The following SLC17A1 variants were observed in gnomAD, a reference collection of about 807,000 sequenced individuals.
The protein encoded by SLC17A1 is sodium-dependent phosphate transport protein 1.
In SLC17A1, 51 loss-of-function variants were observed where a neutral mutation model predicts 53.5. The observed-to-expected ratio is 0.95, with a 90% CI of 0.76 to 1.20. The LOEUF (loss-of-function observed/expected upper bound fraction) is 1.20. Ranked by LOEUF, SLC17A1 falls within the 50% of genes most tolerant of loss-of-function variation. SLC17A1 has a pLI of 0.00. For synonymous variants in SLC17A1, 179 were observed against 198.8 expected, an observed-to-expected ratio of 0.90 and a Z score of 0.84; for missense variants, 538 against 568.2, an observed-to-expected ratio of 0.95 and a Z score of 0.54.
the SLC17A1 span, among the ~76,000 whole-genome samples, chr6:25,746,410 A>G: frequency 6.6e-6 from 1 of 152,210 alleles, no homozygotes; most frequent in Non-Finnish European, 1.5e-5. Flanking sequence ...ATTCCTGACA[A>G]TAGTTGCTAA....
chr6:25,727,640 G>T, the SLC17A1 span, among the ~76,000 whole-genome samples: 1 of 151,902 alleles, frequency 6.6e-6, no homozygotes, highest in Non-Finnish European at 1.5e-5. Context: ...ACCCACCTCG[G>T]TCTCCCAAAG....
chr6:25,778,868 G>A (rs1581435428), downstream of SLC17A1, among the ~76,000 whole-genome samples: 1 of 152,290 alleles, frequency 6.6e-6, no homozygotes, highest in East Asian at 1.9e-4. Flanking sequence ...TTCCAGCCAA[G>A]GAAATGCCCA....
At chr6:25,738,594 G>T in the SLC17A1 span, among the ~76,000 whole-genome samples, 1 of 151,832 alleles carries the variant, frequency 6.6e-6, no homozygotes, top group Non-Finnish European at 1.5e-5. Flanking sequence ...AGAAAAAAAC[G>T]ACAGGCTGCA....
At chr6:25,733,784 G>C in the SLC17A1 span, among the ~76,000 whole-genome samples, 11 of 22,170 alleles carry the variant, frequency 5.0e-4, no homozygotes, top group Admixed American at 6.0e-3. Context: ...GCCTAATACT[G>C]TGTGTGTGTG....
At chr6:25,779,219 C>T (rs1477357469), downstream of SLC17A1, 2 of 1,610,338 alleles carry the variant, frequency 1.2e-6, no homozygotes, top group African/African-American at 1.3e-5. Flanking sequence ...GATCCTGGTG[C>T]TTAGTTCATC....
chr6:25,746,893 C>A, the SLC17A1 span, among the ~76,000 whole-genome samples: 2 of 152,182 alleles, frequency 1.3e-5, no homozygotes, highest in South Asian at 4.1e-4. Context: ...ATATGTAATG[C>A]AACTTCTTTT....
At chr6:25,822,937 C>T (rs903821419) in intron 3 of SLC17A1, among the ~76,000 whole-genome samples, 1 of 151,888 alleles carries the variant, frequency 6.6e-6, no homozygotes, top group Non-Finnish European at 1.5e-5. Context: ...CAAAAACTTC[C>T]TCCTATTTTT....
the SLC17A1 span, among the ~76,000 whole-genome samples, chr6:25,754,521 T>C: frequency 6.6e-6 from 1 of 152,180 alleles, no homozygotes; most frequent in African/African-American, 2.4e-5. Flanking sequence ...ACATTGATTC[T>C]GATTAAGGAT....
downstream of SLC17A1, chr6:25,782,844 G>A: frequency 6.6e-6 from 1 of 152,140 alleles, no homozygotes; most frequent in Middle Eastern, 3.2e-3. Flanking sequence ...TTTTGCACTA[G>A]CTCACACATC....
the SLC17A1 span, chr6:25,726,700 C>G: frequency 9.4e-7 from 1 of 1,066,930 alleles, no homozygotes; most frequent in Non-Finnish European, 1.4e-6. Context: ...TTCCCATTGT[C>G]CAATCAGATT....
intron 12 of SLC17A1, among the ~76,000 whole-genome samples, chr6:25,791,130 T>C (rs1763491879): frequency 6.6e-6 from 1 of 152,178 alleles, no homozygotes; most frequent in Non-Finnish European, 1.5e-5. Flanking sequence ...CATGTTCTTA[T>C]ATCAGTATTA....
chr6:25,779,687 G>A (rs1763209009), downstream of SLC17A1: 1 of 153,040 alleles, frequency 6.5e-6, no homozygotes, highest in South Asian at 2.1e-4. Flanking sequence ...CAACTAATGG[G>A]AGCAAGATAG....
the SLC17A1 span, among the ~76,000 whole-genome samples, chr6:25,749,084 C>T: frequency 0.36 from 54,338 of 152,084 alleles, 10,511 homozygotes; most frequent in Middle Eastern, 0.5. Context: ...GGCTGGGGGA[C>T]GGTGAGGTCT....
rs936084654 is a variant in SLC17A1, at chr6:25,818,940, C to T, written c.616+128G>A. The T allele has an allele frequency of 4.8e-6, 3 of 626,188 alleles. No homozygotes were observed. In the African/African-American group the frequency reaches 5.5e-5, roughly 12 times the overall value. The allele number at this position is 626,188 out of a possible 1,614,324, so 38.8% of individuals were successfully genotyped here. ...GAACTTAATGAGTATTGACTTCTCT[C>T]TTTCACTCAGTGGAGTTCATGATTT... On this transcript the variant is annotated intron_variant, in intron 6 of 12. Coordinates refer to ENST00000244527, the MANE Select transcript of SLC17A1 (RefSeq NM_005074.5).
intron 10 of SLC17A1, among the ~76,000 whole-genome samples, chr6:25,809,064 GC>G (rs1414049284): frequency 1.3e-5 from 2 of 152,130 alleles, no homozygotes; most frequent in African/African-American, 4.8e-5. Flanking sequence ...ATACTACTCT[GC>G]CATAAAAAAG....
the SLC17A1 span, among the ~76,000 whole-genome samples, chr6:25,735,823 G>C: frequency 2.6e-5 from 4 of 152,228 alleles, no homozygotes; most frequent in Non-Finnish European, 2.9e-5. Flanking sequence ...GGTCAATCAG[G>C]GCAGTCCACT....
At chr6:25,726,085 TTTG>T in the SLC17A1 span, 26 of 1,477,802 alleles carry the variant, frequency 1.8e-5, no homozygotes, top group Middle Eastern at 1.8e-4. Flanking sequence ...AAAAGAGCCT[TTTG>T]TTTTTTCTGA....
the SLC17A1 span, among the ~76,000 whole-genome samples, chr6:25,751,155 A>T: frequency 0.98 from 148,910 of 152,276 alleles, 72,889 homozygotes; most frequent in East Asian, 1. Flanking sequence ...GCAGACACCT[A>T]GTCTCGTTAG....
chr6:25,783,927 GGT>G (rs1380224127), intron 12 of SLC17A1, among the ~76,000 whole-genome samples: 1 of 151,922 alleles, frequency 6.6e-6, no homozygotes, highest in African/African-American at 2.4e-5. Flanking sequence ...CTGGTTAATA[GGT>G]GTCCAGATTA....
Sources: allele counts gnomAD v4.1 joint callset (sites outside exome capture counted in the v4.1 genomes callset), GRCh38; gene constraint gnomAD v4.1.1; transcripts MANE v1.5; gene names NCBI Gene and HGNC (gene_info 2026-07-23, HGNC 2026-07-21).